FAM110B: variants seen among roughly 807,000 people sequenced by gnomAD.
FAM110B encodes the protein family with sequence similarity 110 member B.
FAM110B carries 6 observed loss-of-function variants against 20.4 expected under a neutral mutation model. That is an observed-to-expected ratio of 0.29 (90% confidence interval 0.16 to 0.58). FAM110B has a LOEUF of 0.58. Among genes scored for constraint, FAM110B ranks in the 20% least tolerant of loss-of-function variants. The pLI, the probability that FAM110B is intolerant of heterozygous loss-of-function variation, is 0.90. For synonymous variants in FAM110B, 226 were observed against 214.1 expected (o/e 1.06, Z -0.49); for missense variants, 434 against 498.2 (o/e 0.87, Z 1.23).
intron 3 of FAM110B, among the ~76,000 whole-genome samples, chr8:58,122,042 T>A (rs910258832): frequency 1.3e-5 from 2 of 152,250 alleles, no homozygotes; most frequent in Admixed American, 1.3e-4. Flanking sequence ...CTGGAAAGTA[T>A]ATTTTTAATC....
chr8:58,116,035 T>C lies in FAM110B; in HGVS notation c.-324-29872T>C, dbSNP rs190789998. ...CAGGTCCTGTTTTAGGCCCTGGGAA[T>C]GCAGAACACAAAACAGATCAAGACT... On this transcript the variant is annotated intron_variant, in intron 3 of 3. Transcript: ENST00000519262. Among the ~76,000 whole-genome samples, 247 of 152,234 alleles carry C rather than the reference T, an allele frequency of 1.6e-3. 1 individual carries two copies. The highest frequency in any genetic ancestry group is 5.7e-3 in the African/African-American group (238 of 41,562).
chr8:58,006,271 T>C (rs1169983573), intron 1 of FAM110B, among the ~76,000 whole-genome samples: 1 of 152,184 alleles, frequency 6.6e-6, no homozygotes, highest in Non-Finnish European at 1.5e-5. Flanking sequence ...TTTCTCTGAG[T>C]TCACTTTTAG....
chr8:58,040,208 C>T (rs149507326), intron 2 of FAM110B, among the ~76,000 whole-genome samples: 90 of 152,028 alleles, frequency 5.9e-4, no homozygotes, highest in African/African-American at 2.1e-3. Context: ...AAATATTTAA[C>T]ATTCCCTACT....
chr8:57,998,682 A>G (rs1804232088), intron 1 of FAM110B, among the ~76,000 whole-genome samples: 1 of 152,240 alleles, frequency 6.6e-6, no homozygotes, highest in Non-Finnish European at 1.5e-5. Context: ...CTTTGAAAGG[A>G]TAAGTTATGG....
chr8:58,099,696 A>G (rs1210169894), intron 3 of FAM110B, among the ~76,000 whole-genome samples: 1 of 151,986 alleles, frequency 6.6e-6, no homozygotes, highest in Non-Finnish European at 1.5e-5. Context: ...TTAAATAGAT[A>G]TACGGATATG....
intron 3 of FAM110B, chr8:58,091,680 G>GC (rs1806483030): frequency 6.6e-6 from 1 of 152,048 alleles, no homozygotes; most frequent in Non-Finnish European, 1.5e-5. Flanking sequence ...CATGACAGAT[G>GC]CCCCCCATTC....
At chr8:58,005,621 G>GTGGTGT (rs1351916812) in intron 1 of FAM110B, among the ~76,000 whole-genome samples, 1 of 152,198 alleles carries the variant, frequency 6.6e-6, no homozygotes, top group Admixed American at 6.5e-5. Context: ...AACAAAAACA[G>GTGGTGT]TGGTGTCGTT....
intron 2 of FAM110B, among the ~76,000 whole-genome samples, chr8:58,063,883 A>C (rs1190332933): frequency 6.6e-6 from 1 of 152,210 alleles, no homozygotes; most frequent in East Asian, 1.9e-4. Flanking sequence ...TCGCATTGCT[A>C]TAAAGAAATG....
chr8:58,028,945 T>G (rs989728937), intron 1 of FAM110B, among the ~76,000 whole-genome samples: 1 of 152,200 alleles, frequency 6.6e-6, no homozygotes, highest in Admixed American at 6.5e-5. Flanking sequence ...TTAACTCCAG[T>G]GCTGCTCTGA....
At chr8:58,041,330 A>C (rs1310872608) in intron 2 of FAM110B, among the ~76,000 whole-genome samples, 1 of 152,180 alleles carries the variant, frequency 6.6e-6, no homozygotes, top group Non-Finnish European at 1.5e-5. Context: ...CGTTCCAGCA[A>C]GAAATGGGAC....
At chr8:58,070,100 G>A (rs1414439954) in intron 2 of FAM110B, 1 of 152,218 alleles carries the variant, frequency 6.6e-6, no homozygotes, top group East Asian at 1.9e-4. Flanking sequence ...GCCGGTGACA[G>A]CCTGTGTCTC....
intron 3 of FAM110B, among the ~76,000 whole-genome samples, chr8:58,126,660 ATAATGTT>A (rs1165267131): frequency 2.0e-5 from 3 of 152,092 alleles, no homozygotes; most frequent in African/African-American, 7.2e-5. Flanking sequence ...TTAATGTCTT[ATAATGTT>A]GACATCTTTT....
intron 3 of FAM110B, among the ~76,000 whole-genome samples, chr8:58,129,896 G>C (rs901488713): frequency 1.3e-5 from 2 of 151,078 alleles, no homozygotes; most frequent in African/African-American, 4.9e-5. Flanking sequence ...AAACATTCTT[G>C]TCACTTTCTT....
chr8:58,033,068 C>A (rs576225882), intron 2 of FAM110B, among the ~76,000 whole-genome samples: 1 of 152,030 alleles, frequency 6.6e-6, no homozygotes, highest in African/African-American at 2.4e-5. Context: ...CCCTGTAACT[C>A]CCCCCAGTAG....
intron 1 of FAM110B, among the ~76,000 whole-genome samples, chr8:58,015,000 TG>T (rs1804608873): frequency 6.6e-6 from 1 of 152,214 alleles, no homozygotes. Flanking sequence ...GAATTTTAAT[TG>T]TTTTAGTTGA....
In FAM110B at chr8:57,999,980, A is replaced by G. The variant is rs559215387; in HGVS notation, c.-512+5174A>G. Reference sequence around the variant, plus strand: ...TAAGTCTTTGCATTTTATTCATCAAACTTCACCGAAGGACTGTAGTCAACA... The same window carrying G: ...TAAGTCTTTGCATTTTATTCATCAAGCTTCACCGAAGGACTGTAGTCAACA... On this transcript the variant is annotated intron_variant, in intron 1 of 3. Transcript: ENST00000519262. 3.3e-3 allele frequency among the ~76,000 whole-genome samples: 510 copies of G among 152,332 alleles called. 2 individuals carry two copies. The highest frequency in any genetic ancestry group is 5.4e-3 in the Non-Finnish European group (365 of 68,032).
intron 1 of FAM110B, among the ~76,000 whole-genome samples, chr8:58,011,180 AG>A (rs1804525775): frequency 1.3e-5 from 2 of 152,196 alleles, no homozygotes; most frequent in Admixed American, 1.3e-4. Context: ...TTCTCAACTA[AG>A]AAAGACCCTA....
intron 3 of FAM110B, among the ~76,000 whole-genome samples, chr8:58,137,365 G>T (rs1803643402): frequency 6.6e-6 from 1 of 152,138 alleles, no homozygotes; most frequent in Non-Finnish European, 1.5e-5. Context: ...TTTGAGACCA[G>T]CCTGGCCAAC....
intron 3 of FAM110B, among the ~76,000 whole-genome samples, chr8:58,097,008 C>T (rs201047914): frequency 2.6e-5 from 4 of 152,220 alleles, no homozygotes; most frequent in Non-Finnish European, 4.4e-5. Context: ...GTGAATCTGA[C>T]GATTATGTGT....
Sources: gnomAD v4.1 joint callset for allele counts (sites outside exome capture counted in the v4.1 genomes callset) on GRCh38, gnomAD v4.1.1 for gene constraint, MANE v1.5 for transcripts, NCBI Gene and HGNC (gene_info 2026-07-23, HGNC 2026-07-21) for gene names.